The following C3orf49 variants were observed in gnomAD, a reference collection of about 807,000 sequenced individuals.
C3orf49 encodes chromosome 3 open reading frame 49.
A neutral mutation model predicts 13.3 loss-of-function variants in C3orf49; 27 were observed. The ratio of observed to expected loss-of-function variants is 2.02; its 90% CI spans 1.49 to 2.79. C3orf49 has a LOEUF of 2.79. Ranked by LOEUF, C3orf49 falls within the 30% of genes most tolerant of loss-of-function variation. The probability of loss-of-function intolerance (pLI) is 0.00; values close to 1 mark genes in which losing one functional copy is unlikely to be tolerated. For missense variants in C3orf49, 242 were observed against 134.2 expected (o/e 1.80, Z -3.97); for synonymous variants, 87 against 47.6 (o/e 1.83, Z -3.40).
the C3orf49 span, among the ~76,000 whole-genome samples, chr3:63,809,904 T>G: frequency 6.6e-6 from 1 of 152,094 alleles, no homozygotes; most frequent in African/African-American, 2.4e-5. Context: ...TACCAGCACT[T>G]TGGGAGGCTG....
intron 1 of C3orf49, among the ~76,000 whole-genome samples, 166 bp downstream of exon 1, chr3:63,819,762 AT>A (rs1701371280): frequency 6.6e-6 from 1 of 152,136 alleles, no homozygotes; most frequent in African/African-American, 2.4e-5. Flanking sequence ...GCTTCATTTT[AT>A]GATCAGAAAC....
At chr3:63,840,709 G>A (rs145249075) in intron 5 of C3orf49, among the ~76,000 whole-genome samples, 36 of 152,296 alleles carry the variant, frequency 2.4e-4, no homozygotes, top group Middle Eastern at 3.4e-3. Flanking sequence ...ACAAAATGAT[G>A]CTGGATCGTA....
Position 63,845,062 on chromosome 3 carries a change from C to A in C3orf49, c.*10C>A, listed in dbSNP as rs1484230008. On this transcript the variant is annotated 3_prime_UTR_variant, in exon 6 of 7. Coordinates refer to ENST00000295896, the MANE Select transcript of C3orf49 (RefSeq NM_001355236.2). ...ACCTGGAGACAGCTGACCTGAGACT[C>A]CTTGAGGAACACAGGAAAAGGTGAT... 1.4e-6 allele frequency: 1 copy of A among 698,456 alleles called. No homozygotes were observed. 43.3% of individuals were successfully genotyped at this position (698,456 alleles called of 1,614,324 possible).
At chr3:63,829,882 C>T (rs1006282280) in intron 3 of C3orf49, among the ~76,000 whole-genome samples, 15 of 152,056 alleles carry the variant, frequency 9.9e-5, no homozygotes, top group African/African-American at 2.4e-4. Flanking sequence ...GGAGGATCAC[C>T]GGAGCCCACA....
At chr3:63,784,470 GA>G in the C3orf49 span, among the ~76,000 whole-genome samples, 2 of 152,230 alleles carry the variant, frequency 1.3e-5, no homozygotes, top group African/African-American at 2.4e-5. Flanking sequence ...GGAATTAAAG[GA>G]AAATGGATAA....
At chr3:63,805,426 G>C in the C3orf49 span, among the ~76,000 whole-genome samples, 1 of 152,122 alleles carries the variant, frequency 6.6e-6, no homozygotes, top group African/African-American at 2.4e-5. Flanking sequence ...GGGTCATCAG[G>C]AGCTGAGAAA....
At chr3:63,835,313 T>C (rs765934313) in intron 5 of C3orf49, 6 of 1,613,438 alleles carry the variant, frequency 3.7e-6, no homozygotes, top group Non-Finnish European at 5.1e-6. Flanking sequence ...GCTAAATATA[T>C]ATGCGAATAC....
At chr3:63,780,174 T>A in the C3orf49 span, among the ~76,000 whole-genome samples, 1 of 152,222 alleles carries the variant, frequency 6.6e-6, no homozygotes, top group Admixed American at 6.5e-5. Context: ...CGGTGTGTGA[T>A]GTTCTCCTTC....
intron 5 of C3orf49, chr3:63,836,462 C>T (rs72888229): frequency 0.013 from 13,702 of 1,038,064 alleles, 286 homozygotes; most frequent in African/African-American, 0.081. Context: ...TTTCCTAGTA[C>T]ATCAAGAAAT....
the C3orf49 span, among the ~76,000 whole-genome samples, chr3:63,781,517 A>T: frequency 3.5e-3 from 536 of 152,194 alleles, 2 homozygotes; most frequent in African/African-American, 0.012. Context: ...TTTTTTTCCA[A>T]TTCTGTGAAG....
chr3:63,809,616 C>T, the C3orf49 span, among the ~76,000 whole-genome samples: 1 of 152,116 alleles, frequency 6.6e-6, no homozygotes, highest in Non-Finnish European at 1.5e-5. Flanking sequence ...ATGTTAGGCC[C>T]TTCGTTATCT....
chr3:63,780,761 G>A, the C3orf49 span, among the ~76,000 whole-genome samples: 1 of 152,146 alleles, frequency 6.6e-6, no homozygotes, highest in South Asian at 2.1e-4. Flanking sequence ...ATTTTTTCAT[G>A]TGTCTTTTGG....
chr3:63,822,183 G>T (rs1701405401), intron 1 of C3orf49, among the ~76,000 whole-genome samples: 1 of 152,114 alleles, frequency 6.6e-6, no homozygotes, highest in Non-Finnish European at 1.5e-5. Flanking sequence ...CACCGTGTTA[G>T]CCAGGATGGT....
intron 5 of C3orf49, chr3:63,834,127 C>A (rs773623030): frequency 6.2e-7 from 1 of 1,613,850 alleles, no homozygotes; most frequent in Admixed American, 1.7e-5. Flanking sequence ...GGGCAATTAG[C>A]CTGTCTATGG....
At chr3:63,847,508 C>T (rs530047684) in intron 6 of C3orf49, among the ~76,000 whole-genome samples, 3 of 152,108 alleles carry the variant, frequency 2.0e-5, no homozygotes, top group South Asian at 2.1e-4. Flanking sequence ...GAGGCAGAGG[C>T]GAGCGGATCA....
the C3orf49 span, chr3:63,787,026 G>A: frequency 6.6e-6 from 1 of 152,144 alleles, no homozygotes; most frequent in Admixed American, 6.5e-5. Flanking sequence ...CAATTGTGTA[G>A]ACACAGAGAT....
intron 2 of C3orf49, 165 bp from the exon 3 acceptor site, chr3:63,827,436 G>A (rs1442836378): frequency 1.8e-6 from 1 of 544,452 alleles, no homozygotes; most frequent in Admixed American, 3.1e-5. Context: ...AGGAGAAAGT[G>A]TAAGATTGGG....
the C3orf49 span, among the ~76,000 whole-genome samples, chr3:63,802,023 T>C: frequency 6.6e-6 from 1 of 152,236 alleles, no homozygotes; most frequent in Non-Finnish European, 1.5e-5. Flanking sequence ...AGTCTCCATC[T>C]GGCAGATTAC....
At chr3:63,785,046 C>G in the C3orf49 span, among the ~76,000 whole-genome samples, 1 of 145,986 alleles carries the variant, frequency 6.8e-6, no homozygotes, top group African/African-American at 2.5e-5. Context: ...CTAGTCTCCA[C>G]TGGACTTCTC....
Sources: gnomAD v4.1 joint callset for allele counts (sites outside exome capture counted in the v4.1 genomes callset) on GRCh38, gnomAD v4.1.1 for gene constraint, MANE v1.5 for transcripts, NCBI Gene and HGNC (gene_info 2026-07-23, HGNC 2026-07-21) for gene names.